Variants in SLC6A20 observed in about 807,000 individuals in gnomAD.
SLC6A20 encodes sodium- and chloride-dependent transporter XTRP3.
In SLC6A20, 73 loss-of-function variants were observed where a neutral mutation model predicts 64.3. The observed-to-expected ratio is 1.14, with a 90% confidence interval of 0.94 to 1.38. SLC6A20 has a LOEUF of 1.38. SLC6A20 is among the 40% of genes most tolerant of loss of function. The probability of loss-of-function intolerance (pLI) is 0.00; values close to 1 mark genes in which losing one functional copy is unlikely to be tolerated. For synonymous variants in SLC6A20, 347 were observed against 329.6 expected, an observed-to-expected ratio of 1.05 and a Z score of -0.57; for missense variants, 725 against 772.8, an observed-to-expected ratio of 0.94 and a Z score of 0.73.
At chr3:45,792,841 G>C (rs1024804099) in intron 1 of SLC6A20, among the ~76,000 whole-genome samples, 2 of 152,208 alleles carry the variant, frequency 1.3e-5, no homozygotes, top group African/African-American at 2.4e-5. Context: ...GTTCCACCAA[G>C]AGCCAGTTGT....
Position 45,763,043 on chromosome 3 carries a change from C to A in SLC6A20, c.1333G>T (p.Gly445Cys). The part of the protein sequence containing the change: ...GLVCLVNCAI[G>C]MVFTMEAGNY... ...CCAGCCTCCATCGTGAACACCATGC[C>A]AATGGCACAGTTGACAAGGCACACC... Residue 445 changes from glycine (G) to cysteine (C), a missense_variant, in exon 9 of 11, where the codon GGC becomes TGC. Gly to Cys is a radical substitution (Grantham distance 159, BLOSUM62 -3). Transcript: ENST00000358525. 1 of 1,614,158 alleles carries A rather than the reference C, an allele frequency of 6.2e-7. No individual in the cohort carries two copies. The highest frequency in any genetic ancestry group is 1.3e-5 in the African/African-American group (1 of 75,044).
At chr3:45,779,907 G>A in intron 3 of SLC6A20, 102 bp downstream of exon 3, 3 of 1,273,876 alleles carry the variant, frequency 2.4e-6, no homozygotes, top group Non-Finnish European at 3.3e-6. Flanking sequence ...CCGCCCCGAG[G>A]CTGCTCACCT....
intron 1 of SLC6A20, among the ~76,000 whole-genome samples, chr3:45,789,809 C>A (rs1700220178): frequency 6.6e-6 from 1 of 152,138 alleles, no homozygotes; most frequent in Non-Finnish European, 1.5e-5. Flanking sequence ...TCAGGCTGAT[C>A]TTGAACTCCT....
At chr3:45,771,499 G>A in intron 5 of SLC6A20, 41 bp from the exon 6 acceptor site, 1 of 1,609,658 alleles carries the variant, frequency 6.2e-7, no homozygotes. Context: ...TCCCTGGGTG[G>A]AATCCCAAAT....
chr3:45,782,067 G>C lies in SLC6A20; in HGVS notation c.262+16C>G. The C allele has an allele frequency of 1.3e-6, 2 of 1,591,924 alleles. No individual in the cohort carries two copies. The highest frequency in any genetic ancestry group is 2.3e-5 in the South Asian group (2 of 87,172). ...CGGGTCTCTGGGTGGGAGAGGACTG[G>C]AGGGGCCCCACGTACCGACACCACT... On this transcript the variant is annotated intron_variant, in intron 2 of 10. Coordinates refer to ENST00000358525, the MANE Select transcript of SLC6A20 (RefSeq NM_020208.4).
chr3:45,789,282 A>C (rs1317356757), intron 1 of SLC6A20, among the ~76,000 whole-genome samples: 2 of 152,276 alleles, frequency 1.3e-5, no homozygotes, highest in Admixed American at 6.5e-5. Context: ...AAAGTGAAGA[A>C]TATATACTTC....
At chr3:45,771,568 C>A (rs1397633563) in intron 5 of SLC6A20, 110 bp from the exon 6 acceptor site, 4 of 1,533,390 alleles carry the variant, frequency 2.6e-6, no homozygotes, top group Non-Finnish European at 2.6e-6. Flanking sequence ...CTACAGCACG[C>A]AGCCATCAGG....
At chr3:45,794,650 T>C (rs965707709) in intron 1 of SLC6A20, among the ~76,000 whole-genome samples, 1 of 152,204 alleles carries the variant, frequency 6.6e-6, no homozygotes, top group African/African-American at 2.4e-5. Flanking sequence ...CTCTGCAGAC[T>C]ATTCAGGTGA....
chr3:45,769,931 T>C (rs563789849), intron 7 of SLC6A20, among the ~76,000 whole-genome samples: 8 of 152,306 alleles, frequency 5.3e-5, no homozygotes, highest in Admixed American at 3.9e-4. Flanking sequence ...TGTTTGTTAT[T>C]CTCTCTACTT....
chr3:45,760,096 C>T (rs1332749165), intron 9 of SLC6A20, 74 bp from the exon 10 acceptor site: 86 of 1,496,116 alleles, frequency 5.7e-5, no homozygotes, highest in Non-Finnish European at 7.3e-5. Flanking sequence ...TTGCCTGTCC[C>T]TATTCACAAA....
chr3:45,788,833 A>G (rs1700206937), intron 1 of SLC6A20, among the ~76,000 whole-genome samples: 1 of 152,218 alleles, frequency 6.6e-6, no homozygotes, highest in South Asian at 2.1e-4. Context: ...GTGCTCATGA[A>G]CTGCATCCAA....
intron 10 of SLC6A20, 27 bp from the exon 11 acceptor site, chr3:45,759,154 G>GAGAGC (rs1699613940): frequency 1.3e-6 from 2 of 1,595,438 alleles, no homozygotes; most frequent in African/African-American, 2.7e-5. Flanking sequence ...AGTGTCAGCA[G>GAGAGC]AGAGCACCTG....
At chr3:45,775,069 C>CT (rs1344354336) in intron 4 of SLC6A20, among the ~76,000 whole-genome samples, 9 of 152,110 alleles carry the variant, frequency 5.9e-5, no homozygotes, top group Non-Finnish European at 1.3e-4. Context: ...GATGGGAACA[C>CT]TGAAAGCAAA....
Position 45,796,453 on chromosome 3 carries a change from G to A in SLC6A20, c.-34C>T. 1 of 1,599,184 alleles carries A rather than the reference G, an allele frequency of 6.3e-7. No individual in the cohort carries two copies. On this transcript the variant is annotated 5_prime_UTR_variant, in exon 1 of 11. Coordinates refer to ENST00000358525, the MANE Select transcript of SLC6A20 (RefSeq NM_020208.4). Reference sequence around the variant, plus strand: ...CCTCGGCGCGCTCGGCTCCGGCTCGGGGGTCCGGCACGGCAGTCTCAGTGC... The same window carrying A: ...CCTCGGCGCGCTCGGCTCCGGCTCGAGGGTCCGGCACGGCAGTCTCAGTGC...
chr3:45,772,214 G>GACA (rs1265257846), intron 5 of SLC6A20: 1 of 354,516 alleles, frequency 2.8e-6, no homozygotes, highest in African/African-American at 2.1e-5. Context: ...AAAGGGGCTT[G>GACA]AGGTGAGGCA....
At chr3:45,785,647 T>TCTCTCTCTCTC (rs1553664469) in intron 1 of SLC6A20, among the ~76,000 whole-genome samples, 6 of 83,322 alleles carry the variant, frequency 7.2e-5, no homozygotes, top group Non-Finnish European at 1.5e-4. Flanking sequence ...CTCTCTCTCT[T>TCTCTCTCTCTC]CCCCCTATTA....
chr3:45,781,899 C>G (rs960192492), intron 2 of SLC6A20, among the ~76,000 whole-genome samples, 184 bp downstream of exon 2: 1 of 152,140 alleles, frequency 6.6e-6, no homozygotes, highest in Non-Finnish European at 1.5e-5. Flanking sequence ...GGGTAGGAAA[C>G]CCAGCTCCTC....
rs1243168849 is a variant in SLC6A20 at position 45,780,103 on chromosome 3, G to T, written c.263-3C>A. Reference sequence around the variant, plus strand: ...AGAGACCACCACGCTGGCGACCCCTGCGAGGAAGCAGAGGGCCGCGCTGAG... The same window carrying T: ...AGAGACCACCACGCTGGCGACCCCTTCGAGGAAGCAGAGGGCCGCGCTGAG... On this transcript the variant is annotated splice_region_variant and splice_polypyrimidine_tract_variant and intron_variant, in intron 2 of 10. Transcript: ENST00000358525. 1.1e-5 allele frequency: 17 copies of T among 1,586,188 alleles called. No individual in the cohort carries two copies. The highest frequency in any genetic ancestry group is 1.3e-5 in the Non-Finnish European group (15 of 1,165,816).
chr3:45,777,327 C>G (rs899288644), intron 3 of SLC6A20, among the ~76,000 whole-genome samples: 2 of 148,860 alleles, frequency 1.3e-5, no homozygotes. Context: ...CCTGCAATAC[C>G]TCCCCAGGCC....
Sources: gnomAD v4.1 joint callset for allele counts (sites outside exome capture counted in the v4.1 genomes callset) on GRCh38, gnomAD v4.1.1 for gene constraint, MANE v1.5 for transcripts, NCBI Gene and HGNC (gene_info 2026-07-23, HGNC 2026-07-21) for gene names.